The following TSPEAR variants were observed in gnomAD, a reference collection of about 807,000 sequenced individuals.
The protein encoded by TSPEAR is thrombospondin-type laminin G domain and EAR repeat-containing protein.
TSPEAR carries 69 observed loss-of-function variants against 71.6 expected under a neutral mutation model. The observed-to-expected ratio is 0.96, with a 90% CI of 0.79 to 1.18. TSPEAR has a LOEUF of 1.18. Among genes scored for constraint, TSPEAR ranks in the 50% most tolerant of loss-of-function variants. The probability of loss-of-function intolerance (pLI) is 0.00; values close to 1 mark genes in which losing one functional copy is unlikely to be tolerated. For missense variants in TSPEAR, 971 were observed against 894.9 expected, an observed-to-expected ratio of 1.09 and a Z score of -1.09; for synonymous variants, 402 against 387.2, an observed-to-expected ratio of 1.04 and a Z score of -0.45.
At chr21:44,585,578 T>C (rs1329491060) in intron 1 of TSPEAR, among the ~76,000 whole-genome samples, 1 of 152,218 alleles carries the variant, frequency 6.6e-6, no homozygotes, top group African/African-American at 2.4e-5. Flanking sequence ...TCTTTGTCCT[T>C]CTGCATTGGG....
chr21:44,574,340 C>T (rs782037880), intron 1 of TSPEAR: 4 of 1,609,682 alleles, frequency 2.5e-6, no homozygotes, highest in Non-Finnish European at 3.4e-6. Flanking sequence ...GTGAGCCCAG[C>T]CCCTGCCAAT....
Position 44,695,136 on chromosome 21 carries a change from A to T in TSPEAR, c.82+16297T>A, listed in dbSNP as rs188502253. ...TCACTCTTTATAATCCAAATAAAAT[A>T]ACAAGAGACAGTGCCCTCCAAACTG... On this transcript the variant is annotated intron_variant, in intron 1 of 11. Transcript: ENST00000323084. This position sits in a 1 kb window ranked among gnomAD's most constrained non-coding sequence, Gnocchi z 4.5. Among the ~76,000 whole-genome samples, 20 of 152,272 alleles carry T rather than the reference A, an allele frequency of 1.3e-4. No homozygotes were observed. Among genetic ancestry groups the T allele is most frequent in the Admixed American group, 1.0e-3 (16 of 15,296 alleles).
intron 1 of TSPEAR, among the ~76,000 whole-genome samples, chr21:44,636,021 C>T (rs73907091): frequency 0.033 from 5,047 of 152,102 alleles, 310 homozygotes; most frequent in African/African-American, 0.11. Context: ...TTTTAGTCTT[C>T]TATTCATTTC....
At chr21:44,528,613 C>T (rs1555915272) in intron 5 of TSPEAR, 30 bp from the exon 6 acceptor site, 2 of 1,610,874 alleles carry the variant, frequency 1.2e-6, no homozygotes, top group Non-Finnish European at 1.7e-6. Context: ...GATGAGTTTC[C>T]AGCAAGCCAG....
rs2051974253 is a variant in TSPEAR, at chr21:44,498,732, G to A, written c.*1051C>T. 6.6e-6 allele frequency: 1 copy of A among 152,336 alleles called. No homozygotes were observed. The highest frequency in any genetic ancestry group is 1.5e-5 in the Non-Finnish European group (1 of 68,092). The allele number at this position is 152,336 out of a possible 1,614,324, so 9.4% of individuals were successfully genotyped here. A position where few individuals can be genotyped will look rare whatever the true frequency, so the allele number is the denominator to read the frequency against. ...TGTTCCGATTTGTGTTGCAGAAGCAGGAGCACCGTTCCTGGAAGACCGTGG... is the reference window on the plus strand; with the variant it reads ...TGTTCCGATTTGTGTTGCAGAAGCAAGAGCACCGTTCCTGGAAGACCGTGG... On this transcript the variant is annotated 3_prime_UTR_variant, in exon 12 of 12. Transcript: ENST00000323084.
rs373008893 is a variant in TSPEAR, at chr21:44,618,624, G to C, written c.83-50619C>G. Among the ~76,000 whole-genome samples the C allele has an allele frequency of 5.3e-5, 8 of 152,340 alleles. 1 individual carries two copies. The highest frequency in any genetic ancestry group is 1.3e-4 in the Admixed American group (2 of 15,302). On this transcript the variant is annotated intron_variant, in intron 1 of 11. Transcript: ENST00000323084. Reference sequence around the variant, plus strand: ...CAGCTGGGTGACAGTCAGGAAGGCAGCAGCCGGAGTTCCTGGTGTGGGGTG... The same window carrying C: ...CAGCTGGGTGACAGTCAGGAAGGCACCAGCCGGAGTTCCTGGTGTGGGGTG...
intron 1 of TSPEAR, among the ~76,000 whole-genome samples, chr21:44,588,676 A>ATATATATATATATT (rs1156652516): frequency 1.4e-5 from 2 of 141,454 alleles, no homozygotes; most frequent in Non-Finnish European, 3.1e-5. Context: ...TATATATAAT[A>ATATATATATATATT]TATATATATT....
chr21:44,699,142 A>G (rs1987529743), intron 1 of TSPEAR, among the ~76,000 whole-genome samples: 2 of 152,146 alleles, frequency 1.3e-5, no homozygotes, highest in South Asian at 4.1e-4. Context: ...GGGTGCAGTG[A>G]GCTGAGATTG....
At chr21:44,708,185 C>A (rs1555952892) in intron 1 of TSPEAR, among the ~76,000 whole-genome samples, 1 of 152,160 alleles carries the variant, frequency 6.6e-6, no homozygotes, top group East Asian at 1.9e-4. Context: ...ATCCCTCCCC[C>A]AGCCCCCAGC....
At chr21:44,535,058 G>A (rs1555916233) in intron 2 of TSPEAR, among the ~76,000 whole-genome samples, 2 of 152,104 alleles carry the variant, frequency 1.3e-5, no homozygotes, top group Admixed American at 6.5e-5. Context: ...TAGAATGGTA[G>A]GTGCCGGGGC....
chr21:44,621,910 C>T (rs1982462156), intron 1 of TSPEAR, among the ~76,000 whole-genome samples: 1 of 152,176 alleles, frequency 6.6e-6, no homozygotes, highest in African/African-American at 2.4e-5. Context: ...TCATCCCATA[C>T]ATTTCCCTCA....
At position 44,593,554 on chromosome 21, in the gene TSPEAR, G is replaced by T. The variant is rs781820171; in HGVS notation, c.83-25549C>A. Among the ~76,000 whole-genome samples, 1 of 152,062 alleles carries T rather than the reference G, an allele frequency of 6.6e-6. No individual in the cohort carries two copies. The highest frequency in any genetic ancestry group is 6.5e-5 in the Admixed American group (1 of 15,282). ...CCCACGGGGACCCCCGAAAAACTGCGTTCCTGGCCATGACAGGAAGGGAGG... is the reference window on the plus strand; with the variant it reads ...CCCACGGGGACCCCCGAAAAACTGCTTTCCTGGCCATGACAGGAAGGGAGG... On this transcript the variant is annotated intron_variant, in intron 1 of 11. Transcript: ENST00000323084. This position sits in a 1 kb window ranked among gnomAD's most constrained non-coding sequence, Gnocchi z 5.9.
chr21:44,692,014 C>G (rs1987143314), intron 1 of TSPEAR, among the ~76,000 whole-genome samples: 1 of 152,074 alleles, frequency 6.6e-6, no homozygotes. Flanking sequence ...TATACCATGA[C>G]CAAGTTGGAT....
rs115458413 is a variant in TSPEAR, at chr21:44,575,525, C to A, written c.83-7520G>T. On this transcript the variant is annotated intron_variant, in intron 1 of 11. Coordinates refer to ENST00000323084, the MANE Select transcript of TSPEAR (RefSeq NM_144991.3). Reference sequence around the variant, plus strand: ...GGTCCAGGCTAGACGGACATGGACGCGGGGAGCCTTGCAGCCCTTTGGCCA... The same window carrying A: ...GGTCCAGGCTAGACGGACATGGACGAGGGGAGCCTTGCAGCCCTTTGGCCA... Among the ~76,000 whole-genome samples the A allele has an allele frequency of 2.8e-3, 419 of 152,314 alleles. 1 individual carries two copies. Among genetic ancestry groups the A allele is most frequent in the Middle Eastern group, 0.01 (3 of 294 alleles).
rs868978978 is a variant in TSPEAR at position 44,511,634 on chromosome 21, C to T, written c.1567-2248G>A. On this transcript the variant is annotated intron_variant, in intron 9 of 11. Coordinates refer to ENST00000323084, the MANE Select transcript of TSPEAR (RefSeq NM_144991.3). ...ACACACATGCACCCACACAGCACAG[C>T]TCTCCCCACATTGCTGGAAAAGACT... Among the ~76,000 whole-genome samples the T allele has an allele frequency of 3.3e-5, 5 of 152,374 alleles. No individual in the cohort carries two copies. The South Asian group carries it at 1.0e-3, about 32-fold the overall frequency.
chr21:44,645,818 A>G (rs1164237798), intron 1 of TSPEAR, among the ~76,000 whole-genome samples: 2 of 152,194 alleles, frequency 1.3e-5, no homozygotes, highest in East Asian at 3.8e-4. Flanking sequence ...GTTCATCTCT[A>G]AAACCTCAAC....
chr21:44,702,480 C>T (rs1020095759), intron 1 of TSPEAR: 1 of 1,609,092 alleles, frequency 6.2e-7, no homozygotes, highest in Non-Finnish European at 8.5e-7. Context: ...GTGTGCCCGT[C>T]TGCTGCAAGC....
intron 1 of TSPEAR, among the ~76,000 whole-genome samples, chr21:44,586,251 T>A (rs1181142379): frequency 6.6e-6 from 1 of 152,268 alleles, no homozygotes; most frequent in Non-Finnish European, 1.5e-5. Flanking sequence ...TCTTCAGTCC[T>A]GCTTCTGCCT....
At chr21:44,519,631 A>G (rs2052690757) in intron 9 of TSPEAR, 1 of 152,478 alleles carries the variant, frequency 6.6e-6, no homozygotes, top group Non-Finnish European at 1.5e-5. Context: ...TCTTAGCAGC[A>G]TGCGTGTTGT....
Sources: allele counts gnomAD v4.1 joint callset (sites outside exome capture counted in the v4.1 genomes callset), GRCh38; gene constraint gnomAD v4.1.1; non-coding constraint Gnocchi (gnomAD v3.1); transcripts MANE v1.5; gene names NCBI Gene and HGNC (gene_info 2026-07-23, HGNC 2026-07-21).